The following GNB4 variants were observed in gnomAD, a reference collection of about 807,000 sequenced individuals.
GNB4 encodes the protein guanine nucleotide-binding protein subunit beta-4.
Under a neutral mutation model 45.2 loss-of-function variants are expected in GNB4, and 28 were observed. That is an observed-to-expected ratio of 0.62 (90% CI 0.46 to 0.85). The LOEUF is 0.85. Among genes scored for constraint, GNB4 ranks in the 40% least tolerant of loss-of-function variants. The probability of loss-of-function intolerance (pLI) is 0.00; values close to 1 mark genes in which losing one functional copy is unlikely to be tolerated. For missense variants in GNB4, 321 were observed against 425.4 expected, an observed-to-expected ratio of 0.75 and a Z score of 2.16; for synonymous variants, 132 against 143.7, an observed-to-expected ratio of 0.92 and a Z score of 0.58.
chr3:179,478,943 G>A, the GNB4 span, among the ~76,000 whole-genome samples: 48 of 152,050 alleles, frequency 3.2e-4, no homozygotes, highest in Non-Finnish European at 6.2e-4. Flanking sequence ...ATGTGAAGAC[G>A]CCTGCTTCCC....
chr3:179,431,948 G>A (rs1715322785), intron 1 of GNB4, among the ~76,000 whole-genome samples: 1 of 152,046 alleles, frequency 6.6e-6, no homozygotes, highest in South Asian at 2.1e-4. Context: ...AGCTAAATAG[G>A]CCCAAGTCCC....
At position 179,413,771 on chromosome 3, in the gene GNB4, G is replaced by C; in HGVS notation, c.441C>G (p.Ser147=). Reference sequence around the variant, plus strand: ...GGCTGTCATCTAAAAAACGACAGCAGGACAAGTACCCTACAGCATAAAGAG... The same window carrying C: ...GGCTGTCATCTAAAAAACGACAGCACGACAAGTACCCTACAGCATAAAGAG... The part of the protein sequence containing the change: ...RELPGHTGYL[S]CCRFLDDSQI... Residue 147 remains serine (S), a synonymous_variant, in exon 7 of 10, where the codon TCC becomes TCG. Coordinates refer to ENST00000232564, the MANE Select transcript of GNB4 (RefSeq NM_021629.4). 6.2e-7 allele frequency: 1 copy of C among 1,613,818 alleles called. No individual in the cohort carries two copies. The highest frequency in any genetic ancestry group is 8.5e-7 in the Non-Finnish European group (1 of 1,179,844).
intron 1 of GNB4, among the ~76,000 whole-genome samples, chr3:179,430,661 T>C (rs571550396): frequency 2.0e-5 from 3 of 151,410 alleles, no homozygotes; most frequent in African/African-American, 7.3e-5. Flanking sequence ...CTTGCTATGT[T>C]GCCCAGGCTG....
At position 179,401,122 on chromosome 3, in the gene GNB4, T is replaced by C; in HGVS notation, c.*91A>G. ...ATAATCTAATAGAAAAATCTTCACCTGCAAATATAAGGTAGAATTTTTTCA... is the reference window on the plus strand; with the variant it reads ...ATAATCTAATAGAAAAATCTTCACCCGCAAATATAAGGTAGAATTTTTTCA... On this transcript the variant is annotated 3_prime_UTR_variant, in exon 10 of 10. Transcript: ENST00000232564. 1 of 728,656 alleles carries C rather than the reference T, an allele frequency of 1.4e-6. No homozygotes were observed. The highest frequency in any genetic ancestry group is 2.0e-6 in the Non-Finnish European group (1 of 492,468). The allele number at this position is 728,656 out of a possible 1,614,324, so 45.1% of individuals were successfully genotyped here.
At position 179,421,523 on chromosome 3, in the gene GNB4, A is replaced by C. The variant is rs570653671; in HGVS notation, c.58-596T>G. ...AAATTAAATCCTTCCTGCTAGGCTT[A>C]AACTTTTTTCCACAAAGGTTATAGT... is the stretch of plus-strand genomic sequence containing the variant. On this transcript the variant is annotated intron_variant, in intron 2 of 9. Coordinates refer to ENST00000232564, the MANE Select transcript of GNB4 (RefSeq NM_021629.4). Among the ~76,000 whole-genome samples the C allele has an allele frequency of 2.0e-5, 3 of 152,342 alleles. No individual in the cohort carries two copies. In the East Asian group the frequency reaches 5.8e-4, roughly 29 times the overall value.
At chr3:179,431,175 A>G (rs1215603640) in intron 1 of GNB4, among the ~76,000 whole-genome samples, 3 of 152,198 alleles carry the variant, frequency 2.0e-5, no homozygotes, top group Non-Finnish European at 4.4e-5. Flanking sequence ...ACTATATAAT[A>G]CATTTAGCTA....
chr3:179,518,022 AC>A, the GNB4 span, among the ~76,000 whole-genome samples: 2 of 150,248 alleles, frequency 1.3e-5, no homozygotes, highest in African/African-American at 2.5e-5. Context: ...GGGGGCAAGC[AC>A]CCCCCATCCC....
intron 1 of GNB4, among the ~76,000 whole-genome samples, chr3:179,445,019 C>T (rs1219128353): frequency 6.6e-6 from 1 of 151,676 alleles, no homozygotes; most frequent in Non-Finnish European, 1.5e-5. Flanking sequence ...CAAGCCATTG[C>T]TAAGTGTTGC....
chr3:179,408,906 G>C (rs1244579485), intron 8 of GNB4, among the ~76,000 whole-genome samples: 1 of 152,032 alleles, frequency 6.6e-6, no homozygotes. Context: ...GAGCACTCTG[G>C]GAGGCTAAGA....
chr3:179,419,436 C>G lies in GNB4; in HGVS notation c.166G>C (p.Ala56Pro). The G allele has an allele frequency of 6.2e-7, 1 of 1,612,768 alleles. No individual in the cohort carries two copies. ...CCCCAATGCATAGCATAGATTTTAG[C>G]TAGGTGGCCCCTCAGTGTACGTCTT... ...RTRRTLRGHL[A>P]KIYAMHWGYD... Residue 56 changes from alanine (A) to proline (P), a missense_variant, in exon 4 of 10, where the codon GCT becomes CCT. Transcript: ENST00000232564.
At chr3:179,472,403 G>T in the GNB4 span, among the ~76,000 whole-genome samples, 2 of 121,774 alleles carry the variant, frequency 1.6e-5, no homozygotes, top group African/African-American at 3.2e-5. Context: ...ACAGGGTCTT[G>T]CTCTGTTGTC....
At chr3:179,513,703 C>G in the GNB4 span, among the ~76,000 whole-genome samples, 1 of 152,076 alleles carries the variant, frequency 6.6e-6, no homozygotes, top group East Asian at 1.9e-4. Flanking sequence ...CATCAATGTT[C>G]TCTCTCCCAC....
At chr3:179,419,554 G>A in intron 3 of GNB4, 49 bp from the exon 4 acceptor site, 1 of 1,120,466 alleles carries the variant, frequency 8.9e-7, no homozygotes, top group Non-Finnish European at 1.4e-6. Context: ...CATAGTTCAT[G>A]AGATAACTTG....
the GNB4 span, among the ~76,000 whole-genome samples, chr3:179,462,287 C>A: frequency 1.3e-5 from 2 of 152,180 alleles, no homozygotes; most frequent in Non-Finnish European, 1.5e-5. Context: ...CACATCCCTT[C>A]TTGTTTCTGA....
the GNB4 span, among the ~76,000 whole-genome samples, chr3:179,475,826 T>G: frequency 6.6e-6 from 1 of 152,186 alleles, no homozygotes; most frequent in African/African-American, 2.4e-5. Flanking sequence ...ACTCCTGCAA[T>G]AATGACATTA....
chr3:179,478,825 T>G, the GNB4 span, among the ~76,000 whole-genome samples: 4 of 152,172 alleles, frequency 2.6e-5, no homozygotes, highest in South Asian at 8.3e-4. Context: ...TCATGAATGG[T>G]TTAGCACCAT....
chr3:179,491,229 T>C, the GNB4 span, among the ~76,000 whole-genome samples: 2 of 152,208 alleles, frequency 1.3e-5, no homozygotes, highest in East Asian at 3.9e-4. Flanking sequence ...GCAATCTAAT[T>C]AGAAGAATAA....
chr3:179,456,219 G>C (rs1248480592), upstream of GNB4, among the ~76,000 whole-genome samples: 3 of 151,318 alleles, frequency 2.0e-5, no homozygotes, highest in Non-Finnish European at 1.5e-5. Context: ...AGCCTCCTGA[G>C]TAGGTGGGAT....
intron 2 of GNB4, among the ~76,000 whole-genome samples, chr3:179,424,664 G>T (rs1715092365): frequency 6.6e-6 from 1 of 152,126 alleles, no homozygotes; most frequent in Admixed American, 6.5e-5. Flanking sequence ...GAATGCAGTG[G>T]TGTGATCATG....
Sources: allele counts gnomAD v4.1 joint callset (sites outside exome capture counted in the v4.1 genomes callset), GRCh38; gene constraint gnomAD v4.1.1; transcripts MANE v1.5; gene names NCBI Gene and HGNC (gene_info 2026-07-23, HGNC 2026-07-21).